Variants in UBASH3B observed in about 807,000 individuals in gnomAD.
UBASH3B encodes ubiquitin-associated and SH3 domain-containing protein B.
UBASH3B carries 37 observed loss-of-function variants against 83.4 expected under a neutral mutation model. The ratio of observed to expected loss-of-function variants is 0.44; its 90% confidence interval spans 0.34 to 0.58. The LOEUF is 0.58. UBASH3B is among the 20% of genes least tolerant of loss of function. UBASH3B has a pLI of 0.01. For synonymous variants in UBASH3B, 304 were observed against 318.3 expected, an observed-to-expected ratio of 0.96 and a Z score of 0.48; for missense variants, 657 against 827.2, an observed-to-expected ratio of 0.79 and a Z score of 2.52.
Position 122,758,117 on chromosome 11 carries a change from C to T in UBASH3B, c.162-18102C>T, listed in dbSNP as rs942968754. Among the ~76,000 whole-genome samples the T allele has an allele frequency of 6.6e-6, 1 of 152,062 alleles. No homozygotes were observed. The highest frequency in any genetic ancestry group is 1.5e-5 in the Non-Finnish European group (1 of 68,028). On this transcript the variant is annotated intron_variant, in intron 1 of 13. Transcript: ENST00000284273. This position sits in a 1 kb window ranked among gnomAD's most constrained non-coding sequence, Gnocchi z 4.2. ...TACCAAGTGCCAAATTGCCAGATTC[C>T]CTGAGCGCTGGGAACTGAGGCCCAG...
chr11:122,720,243 T>TCCA (rs1860600317), intron 1 of UBASH3B, among the ~76,000 whole-genome samples: 1 of 152,226 alleles, frequency 6.6e-6, no homozygotes, highest in Non-Finnish European at 1.5e-5. Flanking sequence ...CCAAGCAGGA[T>TCCA]AACTCTTTCT....
intron 6 of UBASH3B, among the ~76,000 whole-genome samples, chr11:122,792,863 A>G (rs897679484): frequency 6.6e-6 from 1 of 152,116 alleles, no homozygotes; most frequent in Non-Finnish European, 1.5e-5. Flanking sequence ...GCAGAACCCC[A>G]GCACGAGTGT....
intron 5 of UBASH3B, among the ~76,000 whole-genome samples, chr11:122,784,539 C>T (rs2135153673): frequency 6.6e-6 from 1 of 152,302 alleles, no homozygotes; most frequent in Non-Finnish European, 1.5e-5. Flanking sequence ...ATGTGCCTTC[C>T]AACTTAACTA....
At chr11:122,694,954 CTTTTTTT>C (rs71054088) in intron 1 of UBASH3B, among the ~76,000 whole-genome samples, 33 of 50,408 alleles carry the variant, frequency 6.5e-4, no homozygotes, top group African/African-American at 1.3e-3. Context: ...TCTTTTCTTT[CTTTTTTT>C]TTTTTTTTTT....
At chr11:122,670,334 G>A (rs545802218) in intron 1 of UBASH3B, among the ~76,000 whole-genome samples, 1 of 152,212 alleles carries the variant, frequency 6.6e-6, no homozygotes, top group African/African-American at 2.4e-5. Flanking sequence ...AACCTCTGTG[G>A]TAGAAATAGG....
At chr11:122,718,950 C>T (rs539134599) in intron 1 of UBASH3B, among the ~76,000 whole-genome samples, 3 of 152,276 alleles carry the variant, frequency 2.0e-5, no homozygotes, top group South Asian at 2.1e-4. Flanking sequence ...GGCAGGAGGA[C>T]CACCAGAGCT....
intron 1 of UBASH3B, among the ~76,000 whole-genome samples, chr11:122,772,492 AAGAG>A (rs149735660): frequency 2.0e-5 from 3 of 152,142 alleles, no homozygotes; most frequent in African/African-American, 7.2e-5. Flanking sequence ...GGAAGGAAGA[AAGAG>A]AGAGAGGGAA....
At chr11:122,780,120 G>A (rs1481869419) in intron 4 of UBASH3B, among the ~76,000 whole-genome samples, 1 of 152,094 alleles carries the variant, frequency 6.6e-6, no homozygotes, top group East Asian at 1.9e-4. Context: ...TTTTCTCAGT[G>A]GGTAGCAGAG....
rs1284818771 is a variant in UBASH3B, at chr11:122,812,105, A to G, written c.*2219A>G. 6.6e-6 allele frequency: 1 copy of G among 152,252 alleles called. No individual in the cohort carries two copies. The highest frequency in any genetic ancestry group is 2.4e-5 in the African/African-American group (1 of 41,464). 9.4% of individuals were successfully genotyped at this position (152,252 alleles called of 1,614,324 possible). A position where few individuals can be genotyped will look rare whatever the true frequency, so the allele number is the denominator to read the frequency against. ...TGATAAATCTGTCTGACTGGGCTAC[A>G]ATCCATTGTTCTTAGTCCAATATGG... On this transcript the variant is annotated 3_prime_UTR_variant, in exon 14 of 14. Transcript: ENST00000284273.
intron 11 of UBASH3B, among the ~76,000 whole-genome samples, chr11:122,803,821 C>A (rs1191072489): frequency 2.6e-5 from 4 of 152,088 alleles, no homozygotes; most frequent in African/African-American, 9.7e-5. Context: ...TGCCACCTGA[C>A]TTCCAGAGCA....
chr11:122,703,540 T>A (rs951236885), intron 1 of UBASH3B, among the ~76,000 whole-genome samples: 4 of 152,184 alleles, frequency 2.6e-5, no homozygotes, highest in African/African-American at 9.7e-5. Context: ...TGCCTGCAAG[T>A]CATAGATTAG....
intron 11 of UBASH3B, among the ~76,000 whole-genome samples, chr11:122,802,762 C>T (rs1223514418): frequency 6.6e-6 from 1 of 152,094 alleles, no homozygotes; most frequent in East Asian, 1.9e-4. Flanking sequence ...TTTGTTCTAT[C>T]CCCTCTCTGG....
chr11:122,721,239 T>C (rs1860629698), intron 1 of UBASH3B, among the ~76,000 whole-genome samples: 1 of 109,524 alleles, frequency 9.1e-6, no homozygotes, highest in Non-Finnish European at 1.8e-5. Context: ...AGCAAGACTG[T>C]GTCTCAAAAA....
At position 122,783,072 on chromosome 11, in the gene UBASH3B, T is replaced by C. The variant is rs765324365; in HGVS notation, c.621T>C (p.His207=). ...TTCCAGAAGTGCATGTGGAACCTCA[T>C]AAGAAGCAGCTACATGTGACCCTGG... is the stretch of plus-strand genomic sequence containing the variant. ...ASKTEVHVEP[H]KKQLHVTLAY... The change falls in exon 5 of 14, where the codon CAT becomes CAC. Residue 207 remains histidine (H), a synonymous_variant. Coordinates refer to ENST00000284273, the MANE Select transcript of UBASH3B (RefSeq NM_032873.5). The C allele has an allele frequency of 1.2e-6, 2 of 1,612,992 alleles. No individual in the cohort carries two copies. Among genetic ancestry groups the C allele is most frequent in the African/African-American group, 2.7e-5 (2 of 74,856 alleles).
chr11:122,779,572 GC>G lies in UBASH3B; in HGVS notation c.482del (p.Pro161ArgfsTer17). ...TVSRWKCKFSAPLPLELYTSS... is the reference protein window; with the variant it reads ...TVSRWKCKFSXPLPLELYTSS... ...CAGTCGCTGGAAATGTAAGTTCTCG[GC>G]CCCGCTGCCCCTGGAGCTCTATACG... On this transcript the variant is annotated frameshift_variant, in exon 4 of 14. Coordinates refer to ENST00000284273, the MANE Select transcript of UBASH3B (RefSeq NM_032873.5). LOFTEE classifies it high-confidence loss of function. The G allele has an allele frequency of 1.2e-6, 2 of 1,614,144 alleles. No individual in the cohort carries two copies. Among genetic ancestry groups the G allele is most frequent in the South Asian group, 1.1e-5 (1 of 91,070 alleles).
At position 122,813,869 on chromosome 11, in the gene UBASH3B, A is replaced by C. The variant is rs1392056513; in HGVS notation, c.*3983A>C. The C allele has an allele frequency of 6.6e-6, 1 of 152,236 alleles. No individual in the cohort carries two copies. Among genetic ancestry groups the C allele is most frequent in the Non-Finnish European group, 1.5e-5 (1 of 68,042 alleles). The allele number at this position is 152,236 out of a possible 1,614,324, so 9.4% of individuals were successfully genotyped here. A position where few individuals can be genotyped will look rare whatever the true frequency, so the allele number is the denominator to read the frequency against. On this transcript the variant is annotated 3_prime_UTR_variant, in exon 14 of 14. Transcript: ENST00000284273. ...CTAGCTATAATGAAAATTCAAGCGA[A>C]AAGGGAAAAAGATTGTAAATGCAGA... is the stretch of plus-strand genomic sequence containing the variant.
At chr11:122,750,059 A>G (rs918166987) in intron 1 of UBASH3B, among the ~76,000 whole-genome samples, 1 of 152,210 alleles carries the variant, frequency 6.6e-6, no homozygotes, top group South Asian at 2.1e-4. Context: ...AACCACTTTT[A>G]TAGATGAGAT....
intron 9 of UBASH3B, 160 bp downstream of exon 9, chr11:122,797,193 C>A: frequency 9.9e-7 from 1 of 1,011,666 alleles, no homozygotes; most frequent in Non-Finnish European, 1.4e-6. Flanking sequence ...AAGTTTAGGA[C>A]ACTGTGCTCA....
intron 1 of UBASH3B, among the ~76,000 whole-genome samples, chr11:122,686,351 C>T (rs941781092): frequency 1.3e-5 from 2 of 152,160 alleles, no homozygotes; most frequent in Non-Finnish European, 2.9e-5. Flanking sequence ...CATGGTCGAG[C>T]GTGAGACAGC....
Sources: gnomAD v4.1 joint callset for allele counts (sites outside exome capture counted in the v4.1 genomes callset) on GRCh38, gnomAD v4.1.1 for gene constraint, Gnocchi (gnomAD v3.1) non-coding constraint, MANE v1.5 for transcripts, NCBI Gene and HGNC (gene_info 2026-07-23, HGNC 2026-07-21) for gene names.